NPHP1: variants seen among roughly 807,000 people sequenced by gnomAD.
The protein encoded by NPHP1 is nephrocystin 1, also known as nephrocystin-1.
NPHP1 carries 70 observed loss-of-function variants against 90.4 expected under a neutral mutation model. The ratio of observed to expected loss-of-function variants is 0.77; its 90% CI spans 0.64 to 0.95. The LOEUF (loss-of-function observed/expected upper bound fraction) is 0.95, where lower values mean the gene tolerates loss of function less well. NPHP1 is among the 40% of genes least tolerant of loss of function. The pLI, the probability that NPHP1 is intolerant of heterozygous loss-of-function variation, is 0.00. For missense variants in NPHP1, 764 were observed against 795.9 expected (o/e 0.96, Z 0.48); for synonymous variants, 256 against 271.7 (o/e 0.94, Z 0.57).
chr2:110,192,173 T>C (rs192094894), intron 2 of NPHP1, among the ~76,000 whole-genome samples: 1 of 152,036 alleles, frequency 6.6e-6, no homozygotes, highest in Non-Finnish European at 1.5e-5. Context: ...CTTTCATGAG[T>C]TGAGAGAAGA....
chr2:110,135,767 A>G (rs1680136686), intron 16 of NPHP1, among the ~76,000 whole-genome samples: 1 of 152,206 alleles, frequency 6.6e-6, no homozygotes, highest in Non-Finnish European at 1.5e-5. Context: ...CCAAAGATTT[A>G]AAAAGAGATC....
At chr2:110,197,207 A>T (rs1685232154) in intron 2 of NPHP1, among the ~76,000 whole-genome samples, 1 of 152,138 alleles carries the variant, frequency 6.6e-6, no homozygotes, top group Admixed American at 6.5e-5. Context: ...TGATGGGATG[A>T]TCTGTCCAGT....
intron 18 of NPHP1, chr2:110,126,828 G>A (rs998448625): frequency 3.9e-5 from 6 of 152,752 alleles, no homozygotes; most frequent in Admixed American, 6.5e-5. Flanking sequence ...ATGGTTTAAC[G>A]TGAGTATCAC....
rs749215532 is a variant in NPHP1 at position 110,163,099 on chromosome 2, C to T, written c.808G>A (p.Ala270Thr). The change falls in exon 9 of 20, where the codon GCT (alanine) becomes ACT (threonine). Residue 270 changes from alanine (A) to threonine (T), a missense_variant. By Grantham distance (58) the Ala-to-Thr change is moderately conservative. Transcript: ENST00000445609. ...NTVDVLTTMG[A>T]IPAGFRPSTL... ...GAAGGCCTGAACCCTGCAGGAATAG[C>T]TCCCATCGTAGTTAACACATCAACA... 7 of 1,613,614 alleles carry T rather than the reference C, an allele frequency of 4.3e-6. No homozygotes were observed. Among genetic ancestry groups the T allele is most frequent in the Non-Finnish European group, 5.9e-6 (7 of 1,179,546 alleles).
chr2:110,124,389 AG>A (rs1218160059), intron 19 of NPHP1: 1 of 402,266 alleles, frequency 2.5e-6, no homozygotes, highest in Middle Eastern at 7.4e-4. Flanking sequence ...CAGTGTGGTT[AG>A]GGGTAAATAT....
At chr2:110,191,464 T>C (rs908763546) in intron 2 of NPHP1, among the ~76,000 whole-genome samples, 7 of 151,732 alleles carry the variant, frequency 4.6e-5, no homozygotes, top group Admixed American at 2.0e-4. Flanking sequence ...GCGAGGCTGT[T>C]TGTTAGCCAT....
chr2:110,196,114 AC>A (rs1685145628), intron 2 of NPHP1, among the ~76,000 whole-genome samples: 1 of 152,030 alleles, frequency 6.6e-6, no homozygotes, highest in South Asian at 2.1e-4. Flanking sequence ...CATGTCTAAA[AC>A]ACCAAAAGCA....
At chr2:110,152,434 C>T (rs1681545033) in intron 11 of NPHP1, among the ~76,000 whole-genome samples, 1 of 151,540 alleles carries the variant, frequency 6.6e-6, no homozygotes, top group Non-Finnish European at 1.5e-5. Context: ...TGTCAATGGA[C>T]CACAAATAGA....
At chr2:110,124,862 A>G (rs1679239212) in intron 19 of NPHP1, 1 of 204,872 alleles carries the variant, frequency 4.9e-6, no homozygotes, top group African/African-American at 2.3e-5. Flanking sequence ...ATAAGGATAC[A>G]ATGTATAAAT....
chr2:110,151,545 C>CA (rs1266168421), intron 11 of NPHP1, among the ~76,000 whole-genome samples: 4 of 151,926 alleles, frequency 2.6e-5, no homozygotes, highest in African/African-American at 9.7e-5. Flanking sequence ...AAAATAATCC[C>CA]AAATGTGTTA....
intron 2 of NPHP1, among the ~76,000 whole-genome samples, chr2:110,186,093 T>G (rs944159188): frequency 2.0e-5 from 3 of 152,166 alleles, no homozygotes; most frequent in African/African-American, 7.2e-5. Context: ...GCCCCGCCTC[T>G]CCCTGCTGAT....
At chr2:110,125,380 T>C (rs1445505879) in intron 19 of NPHP1, 1 of 1,460,796 alleles carries the variant, frequency 6.8e-7, no homozygotes, top group Non-Finnish European at 9.1e-7. Context: ...AGACTTTGGC[T>C]TAGAAACTTC....
Position 110,123,839 on chromosome 2 carries a change from T to C in NPHP1, c.1986A>G (p.Ser662=). The change falls in exon 20 of 20, where the codon TCA becomes TCG. Residue 662 remains serine (S), a synonymous_variant. Coordinates refer to ENST00000445609, the MANE Select transcript of NPHP1 (RefSeq NM_001128178.3). ...PDGVHEPFDL[S]EQTYDFLGEM... is the part of the protein sequence containing the mutation. ...CACCCAAGAAGTCATAGGTCTGCTC[T>C]GAAAGGTCAAAAGGTTCATGAACTC... The C allele has an allele frequency of 1.9e-6, 3 of 1,614,150 alleles. No homozygotes were observed. Among genetic ancestry groups the C allele is most frequent in the South Asian group, 1.1e-5 (1 of 91,084 alleles).
chr2:110,153,939 C>T (rs138853565), intron 11 of NPHP1, among the ~76,000 whole-genome samples: 1,548 of 151,376 alleles, frequency 0.01, 23 homozygotes, highest in African/African-American at 0.036. Flanking sequence ...ACTGAGATTG[C>T]GCCATTGCAC....
At chr2:110,135,957 C>G (rs898723588) in intron 16 of NPHP1, among the ~76,000 whole-genome samples, 7 of 152,092 alleles carry the variant, frequency 4.6e-5, no homozygotes, top group African/African-American at 1.4e-4. Flanking sequence ...TGGAATGCAT[C>G]AAAAAGCTTA....
intron 16 of NPHP1, among the ~76,000 whole-genome samples, chr2:110,139,317 C>T (rs1206405357): frequency 1.3e-5 from 2 of 152,138 alleles, no homozygotes; most frequent in Admixed American, 6.6e-5. Context: ...GCTTTCCCTC[C>T]TCAGGGGTTT....
chr2:110,139,621 C>T (rs1157020199), intron 16 of NPHP1, among the ~76,000 whole-genome samples: 1 of 152,176 alleles, frequency 6.6e-6, no homozygotes, highest in Non-Finnish European at 1.5e-5. Flanking sequence ...AGCCAAACAG[C>T]AAGGGCACTG....
rs376436841 is a variant in NPHP1, at chr2:110,144,578, G to T, written c.1353-9C>A. On this transcript the variant is annotated splice_polypyrimidine_tract_variant and intron_variant, in intron 14 of 19. Coordinates refer to ENST00000445609, the MANE Select transcript of NPHP1 (RefSeq NM_001128178.3). ...AGAAAAGCTCATAAGTTCTATAAAA[G>T]AATAACATACAATGACAGATATAAG... The T allele has an allele frequency of 3.9e-5, 59 of 1,514,052 alleles. No homozygotes were observed. The highest frequency in any genetic ancestry group is 3.5e-4 in the Middle Eastern group (2 of 5,776). 93.8% of individuals were successfully genotyped at this position (1,514,052 alleles called of 1,614,324 possible). A position where few individuals can be genotyped will look rare whatever the true frequency, so the allele number is the denominator to read the frequency against.
At chr2:110,157,751 C>A (rs149560489) in intron 11 of NPHP1, among the ~76,000 whole-genome samples, 142 of 152,216 alleles carry the variant, frequency 9.3e-4, no homozygotes, top group Middle Eastern at 3.4e-3. Context: ...GTTATCATCA[C>A]CACCTCTCAT....
Sources: gnomAD v4.1 joint callset for allele counts (sites outside exome capture counted in the v4.1 genomes callset) on GRCh38, gnomAD v4.1.1 for gene constraint, MANE v1.5 for transcripts, NCBI Gene and HGNC (gene_info 2026-07-23, HGNC 2026-07-21) for gene names.